Variants in MTHFD1L observed in about 807,000 individuals in gnomAD.
MTHFD1L encodes the protein monofunctional C1-tetrahydrofolate synthase, mitochondrial.
In MTHFD1L, 81 loss-of-function variants were observed where a neutral mutation model predicts 119.5. The observed-to-expected ratio is 0.68, with a 90% CI of 0.57 to 0.82. The LOEUF (loss-of-function observed/expected upper bound fraction) is 0.82. Ranked by LOEUF, MTHFD1L falls within the 40% of genes least tolerant of loss-of-function variation. The pLI is 0.00. For synonymous variants in MTHFD1L, 430 were observed against 475.2 expected (o/e 0.90, Z 1.24); for missense variants, 1,125 against 1,253.4 (o/e 0.90, Z 1.55).
intron 7 of MTHFD1L, among the ~76,000 whole-genome samples, chr6:150,896,036 G>A (rs80236775): frequency 0.024 from 3,704 of 152,240 alleles, 141 homozygotes; most frequent in African/African-American, 0.083. Flanking sequence ...TACAGATGAG[G>A]AAACTGACTG....
At chr6:150,929,429 C>T (rs1318331569) in intron 11 of MTHFD1L, among the ~76,000 whole-genome samples, 1 of 152,184 alleles carries the variant, frequency 6.6e-6, no homozygotes, top group Non-Finnish European at 1.5e-5. Context: ...CTTATCCAGT[C>T]CTTGTGCTTT....
chr6:150,883,887 C>T lies in MTHFD1L; in HGVS notation c.542+1001C>T, dbSNP rs116758455. ...GATTTATAAAGTTAGATTCCAGATCCGGTAGACCCTGCAGGGGCTGGATGG... is the reference window on the plus strand; with the variant it reads ...GATTTATAAAGTTAGATTCCAGATCTGGTAGACCCTGCAGGGGCTGGATGG... On this transcript the variant is annotated intron_variant, in intron 5 of 27. Transcript: ENST00000367321. Among the ~76,000 whole-genome samples the T allele has an allele frequency of 8.4e-3, 1,273 of 152,228 alleles. 18 individuals carry two copies. The highest frequency in any genetic ancestry group is 0.029 in the African/African-American group (1,202 of 41,546).
intron 4 of MTHFD1L, 101 bp downstream of exon 4, chr6:150,877,927 T>C: frequency 1.5e-6 from 2 of 1,378,202 alleles, no homozygotes; most frequent in Non-Finnish European, 2.1e-6. Flanking sequence ...ATCTAAGATT[T>C]GCTTGTGACT....
intron 26 of MTHFD1L, among the ~76,000 whole-genome samples, chr6:151,071,321 G>A (rs113925582): frequency 1.3e-3 from 192 of 152,234 alleles, no homozygotes; most frequent in African/African-American, 4.5e-3. Context: ...TGTTTTCTGT[G>A]ATACAGTGCA....
chr6:150,908,835 TC>T (rs1441576897), intron 8 of MTHFD1L, among the ~76,000 whole-genome samples: 4 of 151,538 alleles, frequency 2.6e-5, no homozygotes, highest in Admixed American at 6.6e-5. Flanking sequence ...AGGTTTTTTT[TC>T]CCCTCTTTTT....
intron 18 of MTHFD1L, among the ~76,000 whole-genome samples, chr6:150,961,602 A>G (rs914233224): frequency 3.9e-5 from 6 of 152,236 alleles, no homozygotes; most frequent in African/African-American, 1.4e-4. Context: ...AGAGAGGCAA[A>G]GTCATATTTT....
chr6:151,029,131 A>G (rs1562563085), intron 24 of MTHFD1L, among the ~76,000 whole-genome samples: 1 of 151,500 alleles, frequency 6.6e-6, no homozygotes, highest in Non-Finnish European at 1.5e-5. Context: ...TTAAAAATAT[A>G]TATTTTAGGC....
intron 20 of MTHFD1L, among the ~76,000 whole-genome samples, chr6:150,979,998 C>T (rs1362371180): frequency 3.3e-5 from 5 of 151,902 alleles, no homozygotes; most frequent in Non-Finnish European, 7.4e-5. Flanking sequence ...AAAAATCTGA[C>T]GTCAAGTGAT....
At chr6:150,902,813 G>T (rs1214248263) in intron 7 of MTHFD1L, among the ~76,000 whole-genome samples, 2 of 152,140 alleles carry the variant, frequency 1.3e-5, no homozygotes, top group Non-Finnish European at 2.9e-5. Context: ...GTTCTTAGGG[G>T]ACTTGTGTGA....
At chr6:151,027,872 G>C (rs1045866551) in intron 24 of MTHFD1L, among the ~76,000 whole-genome samples, 5 of 152,196 alleles carry the variant, frequency 3.3e-5, no homozygotes, top group African/African-American at 1.2e-4. Context: ...CTTTTGAGCT[G>C]TGAGTTGAAG....
At chr6:151,067,763 C>T (rs148508200) in intron 26 of MTHFD1L, among the ~76,000 whole-genome samples, 17 of 152,326 alleles carry the variant, frequency 1.1e-4, no homozygotes, top group African/African-American at 3.8e-4. Flanking sequence ...TGAAATTTCC[C>T]CACCCCAGTG....
rs201547073 is a variant in MTHFD1L at position 150,891,575 on chromosome 6, A to G, written c.780+3594A>G. ...TATTAATTATATAATCCTTATATAT[A>G]TATTAGGATTCCATGCAAATGAAGT... On this transcript the variant is annotated intron_variant, in intron 7 of 27. Coordinates refer to ENST00000367321, the MANE Select transcript of MTHFD1L (RefSeq NM_015440.5). Among the ~76,000 whole-genome samples, 8 of 148,874 alleles carry G rather than the reference A, an allele frequency of 5.4e-5. No individual in the cohort carries two copies. The East Asian group carries it at 1.4e-3, about 25-fold the overall frequency.
chr6:151,077,654 CT>C (rs1792671298), intron 26 of MTHFD1L, among the ~76,000 whole-genome samples: 1 of 151,942 alleles, frequency 6.6e-6, no homozygotes, highest in Admixed American at 6.6e-5. Flanking sequence ...ATACTCTAGC[CT>C]GGGCGGCAGA....
At chr6:151,020,085 T>C (rs1783736002) in intron 24 of MTHFD1L, among the ~76,000 whole-genome samples, 1 of 152,172 alleles carries the variant, frequency 6.6e-6, no homozygotes, top group South Asian at 2.1e-4. Context: ...GCAAACTGGG[T>C]TTCTGTGTGC....
intron 24 of MTHFD1L, among the ~76,000 whole-genome samples, chr6:151,025,353 G>A (rs980414916): frequency 6.6e-6 from 1 of 152,230 alleles, no homozygotes; most frequent in Admixed American, 6.5e-5. Flanking sequence ...CAGTAACAAG[G>A]GCAGAGCCGC....
At chr6:150,987,907 T>C (rs1754479354) in intron 20 of MTHFD1L, among the ~76,000 whole-genome samples, 1 of 152,224 alleles carries the variant, frequency 6.6e-6, no homozygotes. Context: ...AAAAGAGTAA[T>C]TAAATTTAAA....
chr6:150,972,026 C>T lies in MTHFD1L; in HGVS notation c.2093C>T (p.Ala698Val), dbSNP rs1372594604. Residue 698 changes from alanine (A) to valine (V), a missense_variant, in exon 20 of 28, where the codon GCC becomes GTC. Ala to Val is a moderately conservative substitution (Grantham distance 64). Around this residue, in one of 3 missense-constraint regions of MTHFD1L, gnomAD observed 1,058 missense variants for 1,151.2 expected, o/e 0.92. Transcript: ENST00000367321. ...GNSSVLADKIALKLVGEEGFV... is the reference protein window; with the variant it reads ...GNSSVLADKIVLKLVGEEGFV... Reference sequence around the variant, plus strand: ...TCTTCAGTGTTGGCTGATAAAATTGCCCTGAAACTGGTTGGTGAAGAAGGA... The same window carrying T: ...TCTTCAGTGTTGGCTGATAAAATTGTCCTGAAACTGGTTGGTGAAGAAGGA... The T allele has an allele frequency of 6.2e-7, 1 of 1,613,964 alleles. No homozygotes were observed. The highest frequency in any genetic ancestry group is 8.5e-7 in the Non-Finnish European group (1 of 1,180,024).
intron 17 of MTHFD1L, 105 bp downstream of exon 17, chr6:150,956,176 G>GATGAGA: frequency 8.7e-7 from 1 of 1,153,138 alleles, no homozygotes; most frequent in Non-Finnish European, 1.3e-6. Flanking sequence ...ACCTGTTGTG[G>GATGAGA]CCAGTGGTTC....
chr6:151,030,288 C>T (rs934752519), intron 24 of MTHFD1L, among the ~76,000 whole-genome samples: 1 of 152,174 alleles, frequency 6.6e-6, no homozygotes, highest in African/African-American at 2.4e-5. Flanking sequence ...GTGCAGAGCC[C>T]ATGGAGGGTT....
Sources: gnomAD v4.1 joint callset for allele counts (sites outside exome capture counted in the v4.1 genomes callset) on GRCh38, gnomAD v4.1.1 for gene constraint, gnomAD v4.1.1 regional missense constraint, MANE v1.5 for transcripts, NCBI Gene and HGNC (gene_info 2026-07-23, HGNC 2026-07-21) for gene names.